ATP1A3: variants seen among roughly 807,000 people sequenced by gnomAD.
ATP1A3 encodes ATPase Na+/K+ transporting subunit alpha 3.
A neutral mutation model predicts 108.8 loss-of-function variants in ATP1A3; 12 were observed. The observed-to-expected ratio is 0.11, with a 90% confidence interval of 0.07 to 0.18. The LOEUF is 0.18. Among genes scored for constraint, ATP1A3 ranks in the 10% least tolerant of loss-of-function variants. ATP1A3 has a pLI of 1.00. For synonymous variants in ATP1A3, 539 were observed against 564.5 expected (o/e 0.95, Z 0.64); for missense variants, 498 against 1,387.7 (o/e 0.36, Z 10.19).
In ATP1A3 at chr19:41,967,821, C is replaced by A; in HGVS notation, c.2820-58G>T. On this transcript the variant is annotated intron_variant, in intron 20 of 22. Transcript: ENST00000648268. This position sits in a 1 kb window ranked among gnomAD's most constrained non-coding sequence, Gnocchi z 4.2. ...AGAGCACCCACCCTGCACCTGCCAC[C>A]CCGCAGAGACAGGGGGAGGCACAGT... The A allele has an allele frequency of 2.7e-6, 4 of 1,501,640 alleles. No homozygotes were observed. In the South Asian group the frequency reaches 4.6e-5, roughly 17 times the overall value. 93.0% of individuals were successfully genotyped at this position (1,501,640 alleles called of 1,614,324 possible). A position where few individuals can be genotyped will look rare whatever the true frequency, so the allele number is the denominator to read the frequency against.
Position 41,968,319 on chromosome 19 carries a change from G to C in ATP1A3, c.2819+466C>G, listed in dbSNP as rs1599703973. Among the ~76,000 whole-genome samples, 1 of 152,120 alleles carries C rather than the reference G, an allele frequency of 6.6e-6. No homozygotes were observed. Among genetic ancestry groups the C allele is most frequent in the East Asian group, 1.9e-4 (1 of 5,194 alleles). ...GCCTGAGCTCAGGAGTTTGAGACCAGCCTGGGCAACATGGTGAAACTCTAC... is the reference window on the plus strand; with the variant it reads ...GCCTGAGCTCAGGAGTTTGAGACCACCCTGGGCAACATGGTGAAACTCTAC... On this transcript the variant is annotated intron_variant, in intron 20 of 22. Coordinates refer to ENST00000648268, the MANE Select transcript of ATP1A3 (RefSeq NM_152296.5). The surrounding 1 kb of genome is among the most constrained non-coding windows in gnomAD (Gnocchi z 5.0).
At chr19:41,972,333 G>A (rs1010886826) in intron 16 of ATP1A3, among the ~76,000 whole-genome samples, 8 of 151,982 alleles carry the variant, frequency 5.3e-5, no homozygotes, top group Admixed American at 2.0e-4. Context: ...AGGCTGAGGT[G>A]GGAGGATCAC....
At position 41,970,096 on chromosome 19, in the gene ATP1A3, A is replaced by G. The variant is rs529838757; in HGVS notation, c.2542+89T>C. The G allele has an allele frequency of 1.9e-6, 3 of 1,608,022 alleles. No homozygotes were observed. In the South Asian group the frequency reaches 3.3e-5, roughly 18 times the overall value. The stretch of plus-strand genomic sequence containing the variant: ...TGCCCACGTCTGCTCCCCTGAGTCA[A>G]TGCCAGGGTCCCAAGCACCCACGGT... On this transcript the variant is annotated intron_variant, in intron 18 of 22. Transcript: ENST00000648268.
Position 41,988,399 on chromosome 19 carries a change from G to C in ATP1A3, c.94-22C>G, listed in dbSNP as rs2075305925. ...CTGTCTGAGGAACAGGAGTTTGGGG[G>C]AGACGGTGAGTGCCTAGGCCAGCCA... is the stretch of plus-strand genomic sequence containing the variant. On this transcript the variant is annotated intron_variant, in intron 2 of 22. Transcript: ENST00000648268. The surrounding 1 kb of genome is among the most constrained non-coding windows in gnomAD (Gnocchi z 5.3). 1.2e-6 allele frequency: 2 copies of C among 1,614,218 alleles called. No homozygotes were observed. Among genetic ancestry groups the C allele is most frequent in the East Asian group, 4.5e-5 (2 of 44,878 alleles).
Position 41,994,230 on chromosome 19 carries a change from T to A in ATP1A3, c.-154A>T. 1 of 679,110 alleles carries A rather than the reference T, an allele frequency of 1.5e-6. No homozygotes were observed. Among genetic ancestry groups the A allele is most frequent in the South Asian group, 2.7e-5 (1 of 36,860 alleles). 42.1% of individuals were successfully genotyped at this position (679,110 alleles called of 1,614,324 possible). On this transcript the variant is annotated 5_prime_UTR_variant, in exon 1 of 23. Transcript: ENST00000648268. ...TCCGTTGGTCCCACCGCACAGAGGC[T>A]GCGGCGGCCGCCGCCTCCGCCTCCT...
chr19:41,984,806 T>A lies in ATP1A3; in HGVS notation c.993+112A>T, dbSNP rs1393219454. 6 of 1,233,420 alleles carry A rather than the reference T, an allele frequency of 4.9e-6. No homozygotes were observed. In the African/African-American group the frequency reaches 7.9e-5, roughly 16 times the overall value. 76.4% of individuals were successfully genotyped at this position (1,233,420 alleles called of 1,614,324 possible). On this transcript the variant is annotated intron_variant, in intron 8 of 22. Transcript: ENST00000648268. Reference sequence around the variant, plus strand: ...CCCCAGACACACGGGTCCAGGCCTCTAGCCCCTCCTCCCTCAGACTCAGGG... The same window carrying A: ...CCCCAGACACACGGGTCCAGGCCTCAAGCCCCTCCTCCCTCAGACTCAGGG...
chr19:41,992,903 C>A, intron 1 of ATP1A3: 1 of 160,936 alleles, frequency 6.2e-6, no homozygotes. Context: ...CCATCCACAG[C>A]TTCCCTCCCT....
intron 4 of ATP1A3, among the ~76,000 whole-genome samples, chr19:41,987,032 C>T (rs1412302924): frequency 1.3e-5 from 2 of 152,208 alleles, no homozygotes; most frequent in African/African-American, 4.8e-5. Flanking sequence ...GCGTGAGCCA[C>T]CATGCCCGAC....
At chr19:41,991,598 T>C (rs2075339173) in intron 1 of ATP1A3, among the ~76,000 whole-genome samples, 1 of 151,338 alleles carries the variant, frequency 6.6e-6, no homozygotes, top group Non-Finnish European at 1.5e-5. Context: ...AGGGGTGAGA[T>C]GGGGGTCAGG....
chr19:41,980,274 C>T (rs190219894), intron 11 of ATP1A3, among the ~76,000 whole-genome samples: 2 of 152,292 alleles, frequency 1.3e-5, no homozygotes, highest in East Asian at 3.9e-4. Context: ...GTGTGTACAC[C>T]CAGCACCCAA....
At chr19:41,984,732 C>T (rs2075269813) in intron 8 of ATP1A3, 186 bp downstream of exon 8, 2 of 665,040 alleles carry the variant, frequency 3.0e-6, no homozygotes, top group East Asian at 2.8e-5. Flanking sequence ...GTGATCCAGG[C>T]CCCCAGCCCC....
intron 16 of ATP1A3, among the ~76,000 whole-genome samples, chr19:41,970,823 G>A (rs994696787): frequency 2.0e-5 from 3 of 150,344 alleles, no homozygotes; most frequent in Non-Finnish European, 3.0e-5. Flanking sequence ...TATTAGAGAC[G>A]GGGTTTCACT....
chr19:41,987,024 G>A (rs948176407), intron 4 of ATP1A3, among the ~76,000 whole-genome samples: 1 of 152,148 alleles, frequency 6.6e-6, no homozygotes, highest in Admixed American at 6.5e-5. Flanking sequence ...GATGACAGGC[G>A]TGAGCCACCA....
At chr19:41,972,857 G>GGAAGGAAA (rs2075126127) in intron 16 of ATP1A3, among the ~76,000 whole-genome samples, 1 of 130,672 alleles carries the variant, frequency 7.7e-6, no homozygotes, top group Non-Finnish European at 1.6e-5. Context: ...AAGGAAGGAA[G>GGAAGGAAA]GAAAGAAGGA....
rs530616530 is a variant in ATP1A3 at position 41,970,692 on chromosome 19, T to C, written c.2264-150A>G. On this transcript the variant is annotated intron_variant, in intron 16 of 22. Coordinates refer to ENST00000648268, the MANE Select transcript of ATP1A3 (RefSeq NM_152296.5). ...TGTTGCCCAGGCTGGAGTGCAGTGGTGCGATCTCGGCTCACTGCAGGCTCC... is the reference window on the plus strand; with the variant it reads ...TGTTGCCCAGGCTGGAGTGCAGTGGCGCGATCTCGGCTCACTGCAGGCTCC... 736 of 968,252 alleles carry C rather than the reference T, an allele frequency of 7.6e-4. 7 individuals are homozygous for C. In the African/African-American group the frequency reaches 8.3e-3, roughly 11 times the overall value. 60.0% of individuals were successfully genotyped at this position (968,252 alleles called of 1,614,324 possible).
At position 41,966,824 on chromosome 19, in the gene ATP1A3, G is replaced by T. The variant is rs1231896840; in HGVS notation, c.*113C>A. ...AGTGGAGGGGGTGGGGGCCAAGGTG[G>T]GGCCACAGGAAGAGAGGGCTCCTCC... On this transcript the variant is annotated 3_prime_UTR_variant, in exon 23 of 23. Transcript: ENST00000648268. 3.2e-6 allele frequency: 5 copies of T among 1,543,638 alleles called. No homozygotes were observed. Among genetic ancestry groups the T allele is most frequent in the Non-Finnish European group, 4.4e-6 (5 of 1,142,416 alleles).
At chr19:41,987,801 TG>T in intron 4 of ATP1A3, 134 bp downstream of exon 4, 1 of 1,192,488 alleles carries the variant, frequency 8.4e-7, no homozygotes, top group Non-Finnish European at 1.2e-6. Flanking sequence ...GTTCTCTTGC[TG>T]GGTGATTGTG....
chr19:41,988,456 G>A lies in ATP1A3; in HGVS notation c.93+20C>T, dbSNP rs781799067. 8 of 1,614,180 alleles carry A rather than the reference G, an allele frequency of 5.0e-6. No individual in the cohort carries two copies. The highest frequency in any genetic ancestry group is 6.8e-6 in the Non-Finnish European group (8 of 1,180,038). On this transcript the variant is annotated intron_variant, in intron 2 of 22. Transcript: ENST00000648268. This position sits in a 1 kb window ranked among gnomAD's most constrained non-coding sequence, Gnocchi z 5.3. ...GGCGAGGTTCTCTGGGAGGGTGTGC[G>A]GGCAGAGGGCGAGGCTTACCATAGC... is the stretch of plus-strand genomic sequence containing the variant.
chr19:41,982,402 C>T (rs2075242906), intron 8 of ATP1A3, among the ~76,000 whole-genome samples: 1 of 152,026 alleles, frequency 6.6e-6, no homozygotes, highest in African/African-American at 2.4e-5. Context: ...GAGGTAGGCG[C>T]ATCACTTGAG....
Sources: gnomAD v4.1 joint callset for allele counts (sites outside exome capture counted in the v4.1 genomes callset) on GRCh38, gnomAD v4.1.1 for gene constraint, Gnocchi (gnomAD v3.1) non-coding constraint, MANE v1.5 for transcripts, NCBI Gene and HGNC (gene_info 2026-07-23, HGNC 2026-07-21) for gene names.